The following DENND1A variants were observed in gnomAD, a reference collection of about 807,000 sequenced individuals.
DENND1A encodes the protein DENN domain containing 1A.
Under a neutral mutation model 113.7 loss-of-function variants are expected in DENND1A, and 51 were observed. The observed-to-expected ratio is 0.45, with a 90% CI of 0.36 to 0.57. The LOEUF (loss-of-function observed/expected upper bound fraction) is 0.57, where lower values mean the gene tolerates loss of function less well. DENND1A is among the 20% of genes least tolerant of loss of function. DENND1A has a pLI of 0.00. For missense variants in DENND1A, 1,258 were observed against 1,395.9 expected (o/e 0.90, Z 1.57); for synonymous variants, 565 against 570.8 (o/e 0.99, Z 0.14).
chr9:123,650,568 C>A (rs1011740119), intron 9 of DENND1A, among the ~76,000 whole-genome samples: 12 of 152,060 alleles, frequency 7.9e-5, no homozygotes, highest in African/African-American at 2.9e-4. Context: ...ACTCAGCAAA[C>A]AGATATTGAA....
intron 2 of DENND1A, among the ~76,000 whole-genome samples, chr9:123,811,188 C>T (rs1435791147): frequency 1.3e-5 from 2 of 152,170 alleles, no homozygotes; most frequent in African/African-American, 2.4e-5. Flanking sequence ...ATGCCAGATC[C>T]ACCACTTTAC....
rs143694407 is a variant in DENND1A, at chr9:123,687,085, C to T, written c.303-10296G>A. Among the ~76,000 whole-genome samples, 8 of 152,084 alleles carry T rather than the reference C, an allele frequency of 5.3e-5. No individual in the cohort carries two copies. In the East Asian group the frequency reaches 1.5e-3, roughly 29 times the overall value. ...AGTTCTGTCTCAATTCACAGAACAG[C>T]ACACCAATCAACACAAGCAGGCAGG... is the stretch of plus-strand genomic sequence containing the variant. On this transcript the variant is annotated intron_variant, in intron 5 of 23. Coordinates refer to ENST00000394215, the MANE Select transcript of DENND1A (RefSeq NM_001352964.2).
intron 19 of DENND1A, among the ~76,000 whole-genome samples, chr9:123,435,960 C>T (rs1015192644): frequency 2.0e-5 from 3 of 152,338 alleles, no homozygotes; most frequent in African/African-American, 7.2e-5. Context: ...ATGGCTCACC[C>T]ATCTTATTAA....
At chr9:123,862,912 T>A (rs984709999) in intron 2 of DENND1A, among the ~76,000 whole-genome samples, 3 of 152,256 alleles carry the variant, frequency 2.0e-5, no homozygotes, top group African/African-American at 7.2e-5. Flanking sequence ...AACATTAAGA[T>A]CTTGCTTTCT....
intron 13 of DENND1A, among the ~76,000 whole-genome samples, chr9:123,537,671 TA>T (rs11356017): frequency 0.074 from 10,660 of 143,954 alleles, 574 homozygotes; most frequent in African/African-American, 0.16. Context: ...GGCATGTAGT[TA>T]AAAAAAAAAA....
chr9:123,443,142 G>A (rs560752013), intron 18 of DENND1A, among the ~76,000 whole-genome samples: 1 of 152,138 alleles, frequency 6.6e-6, no homozygotes, highest in Non-Finnish European at 1.5e-5. Context: ...AAGCCACATA[G>A]TTAGAAGGTG....
chr9:123,810,257 G>T lies in DENND1A; in HGVS notation c.89-17627C>A, dbSNP rs372780004. ...GGCCATCATGTCTCTCTTTCATGTC[G>T]CAAGGCAACTCTTTTCTGGGTGGAA... is the stretch of plus-strand genomic sequence containing the variant. On this transcript the variant is annotated intron_variant, in intron 2 of 23. Coordinates refer to ENST00000394215, the MANE Select transcript of DENND1A (RefSeq NM_001352964.2). 5.9e-5 allele frequency among the ~76,000 whole-genome samples: 9 copies of T among 151,852 alleles called. No individual in the cohort carries two copies. In the South Asian group the frequency reaches 1.9e-3, roughly 32 times the overall value.
chr9:123,762,086 G>C (rs1045255326), intron 4 of DENND1A, among the ~76,000 whole-genome samples: 1 of 152,162 alleles, frequency 6.6e-6, no homozygotes, highest in Admixed American at 6.5e-5. Context: ...CCAACTTCTG[G>C]TTCAAAGTCC....
intron 2 of DENND1A, among the ~76,000 whole-genome samples, chr9:123,847,025 G>T (rs1165865537): frequency 6.6e-6 from 1 of 151,926 alleles, no homozygotes; most frequent in East Asian, 1.9e-4. Flanking sequence ...TTTCATTTTT[G>T]TAGAGACAGG....
chr9:123,699,563 A>G (rs1176074461), intron 5 of DENND1A, among the ~76,000 whole-genome samples: 1 of 151,720 alleles, frequency 6.6e-6, no homozygotes, highest in Non-Finnish European at 1.5e-5. Flanking sequence ...ATAATAAGAT[A>G]ATTATTTTCT....
chr9:123,880,463 ATGT>A (rs1848159406), intron 1 of DENND1A, among the ~76,000 whole-genome samples: 1 of 152,222 alleles, frequency 6.6e-6, no homozygotes, highest in South Asian at 2.1e-4. Flanking sequence ...GCAGAAGAAA[ATGT>A]TGTACTTTCA....
chr9:123,816,829 A>T (rs2132536382), intron 2 of DENND1A, among the ~76,000 whole-genome samples: 1 of 152,356 alleles, frequency 6.6e-6, no homozygotes, highest in Admixed American at 6.5e-5. Flanking sequence ...GGAACATAGT[A>T]GATACATAAA....
At chr9:123,445,029 A>G (rs932513132) in intron 18 of DENND1A, among the ~76,000 whole-genome samples, 1 of 152,204 alleles carries the variant, frequency 6.6e-6, no homozygotes, top group Non-Finnish European at 1.5e-5. Context: ...CGGTAAAGCA[A>G]GGCAGTCAGA....
rs568557070 is a variant in DENND1A, at chr9:123,771,701, ACTT to A, written c.133-2141_133-2139del. Among the ~76,000 whole-genome samples, 224 of 152,298 alleles carry A rather than the reference ACTT, an allele frequency of 1.5e-3. 2 individuals are homozygous for A. The highest frequency in any genetic ancestry group is 2.7e-3 in the Non-Finnish European group (184 of 68,022). On this transcript the variant is annotated intron_variant, in intron 3 of 23. Transcript: ENST00000394215. ...ACTTATTACTCACTACAATATAGAAACTTCTTACCACTCTCTAATGTCAAGAGT... is the reference window on the plus strand; with the variant it reads ...ACTTATTACTCACTACAATATAGAAACTTACCACTCTCTAATGTCAAGAGT...
At chr9:123,650,581 A>C (rs2062591696) in intron 9 of DENND1A, among the ~76,000 whole-genome samples, 2 of 152,222 alleles carry the variant, frequency 1.3e-5, no homozygotes, top group Non-Finnish European at 2.9e-5. Context: ...ATATTGAATT[A>C]TTTAGGGGAA....
intron 5 of DENND1A, among the ~76,000 whole-genome samples, chr9:123,701,578 G>A (rs2065887140): frequency 6.6e-6 from 1 of 152,128 alleles, no homozygotes; most frequent in African/African-American, 2.4e-5. Context: ...CCAGAGACCT[G>A]CAGCCCCTAT....
intron 13 of DENND1A, among the ~76,000 whole-genome samples, chr9:123,531,554 TACACACACACACA>T (rs1380935012): frequency 2.9e-5 from 3 of 103,128 alleles, no homozygotes; most frequent in Admixed American, 1.0e-4. Flanking sequence ...CCTCTCTCTC[TACACACACACACA>T]CACACACACA....
At position 123,638,067 on chromosome 9, in the gene DENND1A, G is replaced by A. The variant is rs918505191; in HGVS notation, c.619-7591C>T. 5.9e-5 allele frequency among the ~76,000 whole-genome samples: 9 copies of A among 151,942 alleles called. No individual in the cohort carries two copies. In the South Asian group the frequency reaches 8.3e-4, roughly 14 times the overall value. ...AGGAAGCTTACACAGGCAATCAACC[G>A]CCTGCTTAATCACTTCTCTCCATTT... On this transcript the variant is annotated intron_variant, in intron 9 of 23. Coordinates refer to ENST00000394215, the MANE Select transcript of DENND1A (RefSeq NM_001352964.2).
intron 19 of DENND1A, among the ~76,000 whole-genome samples, chr9:123,429,095 C>G (rs1268743702): frequency 1.3e-5 from 2 of 152,142 alleles, no homozygotes. Context: ...CAATCATAAG[C>G]AAAAGGACAA....
Sources: gnomAD v4.1 joint callset for allele counts (sites outside exome capture counted in the v4.1 genomes callset) on GRCh38, gnomAD v4.1.1 for gene constraint, MANE v1.5 for transcripts, NCBI Gene and HGNC (gene_info 2026-07-23, HGNC 2026-07-21) for gene names.